Variants in NEGR1 observed in about 807,000 individuals in gnomAD.
NEGR1 encodes the protein neuronal growth regulator 1, also known as IgLON family member 4.
NEGR1 carries 10 observed loss-of-function variants against 40.9 expected under a neutral mutation model. The ratio of observed to expected loss-of-function variants is 0.24; its 90% confidence interval spans 0.15 to 0.42. The LOEUF is 0.42. Among genes scored for constraint, NEGR1 ranks in the 10% least tolerant of loss-of-function variants. The pLI is 1.00. For missense variants in NEGR1, 352 were observed against 438.9 expected (o/e 0.80, Z 1.77); for synonymous variants, 185 against 166.8 (o/e 1.11, Z -0.84).
intron 1 of NEGR1, among the ~76,000 whole-genome samples, chr1:72,137,626 T>C (rs1015073039): frequency 1.3e-5 from 2 of 151,992 alleles, no homozygotes; most frequent in African/African-American, 4.8e-5. Context: ...GAGAAATATC[T>C]AATGTAAATG....
intron 6 of NEGR1, among the ~76,000 whole-genome samples, chr1:71,512,520 G>A (rs942463416): frequency 6.6e-6 from 1 of 151,280 alleles, no homozygotes; most frequent in Non-Finnish European, 1.5e-5. Context: ...CTGTTGACAG[G>A]AAAACTATGT....
intron 3 of NEGR1, among the ~76,000 whole-genome samples, chr1:71,746,741 T>C (rs200867248): frequency 8.0e-6 from 1 of 125,294 alleles, no homozygotes; most frequent in East Asian, 2.8e-4. Context: ...TACACACACA[T>C]GTACACACAC....
intron 1 of NEGR1, among the ~76,000 whole-genome samples, chr1:72,277,194 T>C (rs1054931273): frequency 6.6e-6 from 1 of 152,240 alleles, no homozygotes; most frequent in African/African-American, 2.4e-5. Context: ...CTGGGAAATG[T>C]AGCTTGAGGG....
At chr1:72,222,625 A>T (rs1654050541) in intron 1 of NEGR1, among the ~76,000 whole-genome samples, 1 of 152,138 alleles carries the variant, frequency 6.6e-6, no homozygotes, top group Non-Finnish European at 1.5e-5. Flanking sequence ...CTCTATCCTT[A>T]CACCTGAAAT....
At chr1:71,525,029 C>A (rs893447576) in intron 6 of NEGR1, among the ~76,000 whole-genome samples, 3 of 151,696 alleles carry the variant, frequency 2.0e-5, no homozygotes, top group Admixed American at 2.0e-4. Flanking sequence ...TTCTGACCTC[C>A]AAAACTATAA....
chr1:72,236,032 C>G (rs1026090728), intron 1 of NEGR1, among the ~76,000 whole-genome samples: 1 of 151,932 alleles, frequency 6.6e-6, no homozygotes, highest in Non-Finnish European at 1.5e-5. Context: ...TGGAACCAAC[C>G]CAAATGCCCA....
At chr1:72,105,295 A>G (rs553077814) in intron 1 of NEGR1, among the ~76,000 whole-genome samples, 25 of 152,256 alleles carry the variant, frequency 1.6e-4, no homozygotes, top group Admixed American at 1.2e-3. Flanking sequence ...AATTTTTAAG[A>G]GATGTTTCTT....
At chr1:71,851,511 T>C (rs552754794) in intron 2 of NEGR1, among the ~76,000 whole-genome samples, 3 of 152,322 alleles carry the variant, frequency 2.0e-5, no homozygotes, top group Admixed American at 2.0e-4. Context: ...CATGTATTTC[T>C]AATTTCATTC....
intron 4 of NEGR1, among the ~76,000 whole-genome samples, chr1:71,673,800 A>ATT (rs5775080): frequency 1.9e-4 from 29 of 150,764 alleles, no homozygotes; most frequent in South Asian, 1.1e-3. Flanking sequence ...CATTAATGAT[A>ATT]TTTTTTTTTA....
At chr1:72,126,593 A>T (rs1346593719) in intron 1 of NEGR1, among the ~76,000 whole-genome samples, 1 of 152,104 alleles carries the variant, frequency 6.6e-6, no homozygotes, top group Admixed American at 6.5e-5. Flanking sequence ...GTTTTTCACC[A>T]TCCCTGAGCC....
chr1:71,602,579 T>C (rs1649962120), intron 5 of NEGR1, among the ~76,000 whole-genome samples: 1 of 152,130 alleles, frequency 6.6e-6, no homozygotes, highest in Non-Finnish European at 1.5e-5. Context: ...CCCCGTGGAA[T>C]GTTTGGAAGT....
chr1:72,230,804 CA>C (rs1305653632), intron 1 of NEGR1, among the ~76,000 whole-genome samples: 1 of 152,098 alleles, frequency 6.6e-6, no homozygotes, highest in Non-Finnish European at 1.5e-5. Flanking sequence ...TTTAGCCTCC[CA>C]AATAATAAAT....
chr1:72,279,364 T>A (rs984887437), intron 1 of NEGR1, among the ~76,000 whole-genome samples: 1 of 152,132 alleles, frequency 6.6e-6, no homozygotes, highest in Non-Finnish European at 1.5e-5. Flanking sequence ...AGCAACAGAG[T>A]CACTGACTGG....
At chr1:72,258,540 T>C (rs1017670404) in intron 1 of NEGR1, among the ~76,000 whole-genome samples, 3 of 152,130 alleles carry the variant, frequency 2.0e-5, no homozygotes, top group Non-Finnish European at 2.9e-5. Context: ...AAATACATTA[T>C]ACATAAATAA....
At chr1:71,759,035 A>G (rs11209834) in intron 3 of NEGR1, among the ~76,000 whole-genome samples, 57,253 of 151,974 alleles carry the variant, frequency 0.38, 11,167 homozygotes, top group East Asian at 0.61. Context: ...ATACTTCACA[A>G]GAATACTAGT....
At chr1:71,609,975 G>A (rs1316590005) in intron 5 of NEGR1, among the ~76,000 whole-genome samples, 1 of 152,146 alleles carries the variant, frequency 6.6e-6, no homozygotes, top group East Asian at 1.9e-4. Context: ...CGATTTGCTT[G>A]GGACTTCTCT....
At chr1:71,485,603 TC>T (rs911439859) in intron 6 of NEGR1, among the ~76,000 whole-genome samples, 21 of 151,728 alleles carry the variant, frequency 1.4e-4, no homozygotes, top group African/African-American at 4.8e-4. Context: ...TCTCTCCCTT[TC>T]CCCAACCCTT....
At chr1:71,582,743 T>C (rs1649177936) in intron 6 of NEGR1, among the ~76,000 whole-genome samples, 1 of 152,196 alleles carries the variant, frequency 6.6e-6, no homozygotes, top group African/African-American at 2.4e-5. Context: ...AGAAAATCTT[T>C]CTGCAAATTT....
intron 2 of NEGR1, among the ~76,000 whole-genome samples, chr1:71,905,680 A>T (rs1017717409): frequency 2.6e-5 from 4 of 152,084 alleles, no homozygotes; most frequent in African/African-American, 9.7e-5. Context: ...TGACCTAGGA[A>T]AAGATATAAA....
Sources: gnomAD v4.1 joint callset for allele counts (sites outside exome capture counted in the v4.1 genomes callset) on GRCh38, gnomAD v4.1.1 for gene constraint, MANE v1.5 for transcripts, NCBI Gene and HGNC (gene_info 2026-07-23, HGNC 2026-07-21) for gene names.